Variants in MBD5 observed in about 807,000 individuals in gnomAD.
The protein encoded by MBD5 is methyl-CpG-binding domain protein 5.
In MBD5, 13 loss-of-function variants were observed where a neutral mutation model predicts 117.3. The ratio of observed to expected loss-of-function variants is 0.11; its 90% CI spans 0.07 to 0.18. The LOEUF (loss-of-function observed/expected upper bound fraction) is 0.18, where lower values mean the gene tolerates loss of function less well. Ranked by LOEUF, MBD5 falls within the 10% of genes least tolerant of loss-of-function variation. The pLI, the probability that MBD5 is intolerant of heterozygous loss-of-function variation, is 1.00. For synonymous variants in MBD5, 727 were observed against 766.4 expected (o/e 0.95, Z 0.85); for missense variants, 1,879 against 2,093.8 (o/e 0.90, Z 2.00).
chr2:148,076,396 C>A (rs950365540), intron 1 of MBD5, among the ~76,000 whole-genome samples: 1 of 152,178 alleles, frequency 6.6e-6, no homozygotes, highest in Non-Finnish European at 1.5e-5. Context: ...AGGTTTATTT[C>A]TTGCTCTCCT....
intron 1 of MBD5, among the ~76,000 whole-genome samples, chr2:148,136,126 C>G (rs529784322): frequency 6.6e-6 from 1 of 152,252 alleles, no homozygotes; most frequent in Non-Finnish European, 1.5e-5. Context: ...ATCAGGGACA[C>G]ATTCTCAGGT....
At chr2:148,318,566 T>C (rs1396558527) in intron 3 of MBD5, among the ~76,000 whole-genome samples, 1 of 152,206 alleles carries the variant, frequency 6.6e-6, no homozygotes, top group Non-Finnish European at 1.5e-5. Context: ...TTCCTCGGTT[T>C]TCTTCTAGGA....
At chr2:148,215,729 A>G (rs1451559030) in intron 2 of MBD5, among the ~76,000 whole-genome samples, 8 of 141,888 alleles carry the variant, frequency 5.6e-5, no homozygotes, top group Non-Finnish European at 1.1e-4. Flanking sequence ...AAGTTTTGCT[A>G]TATCGCTGAT....
intron 3 of MBD5, among the ~76,000 whole-genome samples, chr2:148,322,251 C>A (rs1217668033): frequency 6.6e-6 from 1 of 152,202 alleles, no homozygotes; most frequent in African/African-American, 2.4e-5. Context: ...TTGGCTTATA[C>A]AACTAAGCTT....
At chr2:148,192,861 C>T (rs1241288950) in intron 2 of MBD5, among the ~76,000 whole-genome samples, 1 of 54,872 alleles carries the variant, frequency 1.8e-5, no homozygotes, top group Non-Finnish European at 3.5e-5. Context: ...TAGAAAACCC[C>T]ATCGTCTCAG....
rs59209677 is a variant in MBD5, at chr2:148,412,272, T to TTGTGTGTGTGTGTGTGTG, written c.-556-45917_-556-45900dup. Among the ~76,000 whole-genome samples the TTGTGTGTGTGTGTGTGTG allele has an allele frequency of 3.6e-3, 522 of 144,562 alleles. 3 individuals are homozygous for TTGTGTGTGTGTGTGTGTG. The highest frequency in any genetic ancestry group is 0.012 in the African/African-American group (477 of 38,262). 94.8% of individuals were successfully genotyped at this position (144,562 alleles called of 152,430 possible). ...TTACTGTAGCCTTGTAGTATACTTT[T>TTGTGTGTGTGTGTGTGTG]TGTGTGTGTGTGTGTGTGTGTGTGT... On this transcript the variant is annotated intron_variant, in intron 4 of 13. Transcript: ENST00000642680.
chr2:148,082,457 T>C (rs1377198909), intron 1 of MBD5, among the ~76,000 whole-genome samples: 1 of 152,224 alleles, frequency 6.6e-6, no homozygotes, highest in African/African-American at 2.4e-5. Context: ...TCATCTTAGA[T>C]GGTCATATTT....
At chr2:148,470,599 T>A in intron 8 of MBD5, 138 bp downstream of exon 8, 1 of 708,630 alleles carries the variant, frequency 1.4e-6, no homozygotes, top group Non-Finnish European at 2.2e-6. Flanking sequence ...TTAGTATTTA[T>A]AATTTTATTT....
rs1682298903 is a variant in MBD5, at chr2:148,514,432, C to A, written c.*1491C>A. The A allele has an allele frequency of 6.6e-6, 1 of 152,206 alleles. No individual in the cohort carries two copies. The highest frequency in any genetic ancestry group is 6.5e-5 in the Admixed American group (1 of 15,282). The allele number at this position is 152,206 out of a possible 1,614,324, so 9.4% of individuals were successfully genotyped here. On this transcript the variant is annotated 3_prime_UTR_variant, in exon 14 of 14. Transcript: ENST00000642680. Reference sequence around the variant, plus strand: ...AGTTAAGCAAAGTTTAGGCTTCCAGCCTGACTTCAGTTGATGGATTGTCAA... The same window carrying A: ...AGTTAAGCAAAGTTTAGGCTTCCAGACTGACTTCAGTTGATGGATTGTCAA...
chr2:148,042,206 G>A (rs1054247070), intron 1 of MBD5, among the ~76,000 whole-genome samples: 8 of 152,102 alleles, frequency 5.3e-5, no homozygotes, highest in Non-Finnish European at 4.4e-5. Context: ...GAATCTATGT[G>A]GATATAAATA....
At chr2:148,505,342 A>G (rs1313050127) in intron 12 of MBD5, among the ~76,000 whole-genome samples, 1 of 152,180 alleles carries the variant, frequency 6.6e-6, no homozygotes, top group African/African-American at 2.4e-5. Flanking sequence ...ACAGTATACA[A>G]ATGACTGCAG....
At chr2:148,211,856 C>G (rs1417073397) in intron 2 of MBD5, among the ~76,000 whole-genome samples, 1 of 152,146 alleles carries the variant, frequency 6.6e-6, no homozygotes, top group Non-Finnish European at 1.5e-5. Context: ...AGCGATGCTC[C>G]CACCTCAGCC....
intron 3 of MBD5, among the ~76,000 whole-genome samples, chr2:148,236,933 C>T (rs1700104255): frequency 6.6e-6 from 1 of 152,184 alleles, no homozygotes; most frequent in African/African-American, 2.4e-5. Flanking sequence ...GCTGCAGCTT[C>T]TCCATCACTA....
At chr2:148,058,866 A>G (rs559379242) in intron 1 of MBD5, among the ~76,000 whole-genome samples, 2 of 152,310 alleles carry the variant, frequency 1.3e-5, no homozygotes, top group African/African-American at 2.4e-5. Context: ...TAAACATGGC[A>G]TTCCAGAAGA....
chr2:148,501,511 G>A (rs1489057782), intron 11 of MBD5, among the ~76,000 whole-genome samples: 3 of 152,206 alleles, frequency 2.0e-5, no homozygotes, highest in African/African-American at 7.2e-5. Context: ...TTGTGTGTGT[G>A]TGTGTTTACA....
chr2:148,172,675 G>T (rs534005792), intron 1 of MBD5, among the ~76,000 whole-genome samples: 2 of 152,122 alleles, frequency 1.3e-5, no homozygotes, highest in Non-Finnish European at 2.9e-5. Context: ...TCCAGGTGGA[G>T]TCTGCCAGTC....
At chr2:148,101,925 A>G (rs1156601965) in intron 1 of MBD5, among the ~76,000 whole-genome samples, 1 of 152,194 alleles carries the variant, frequency 6.6e-6, no homozygotes, top group Non-Finnish European at 1.5e-5. Flanking sequence ...ATACATACAC[A>G]CACATAGGCT....
intron 8 of MBD5, among the ~76,000 whole-genome samples, chr2:148,477,390 T>C (rs890525948): frequency 2.6e-5 from 4 of 152,132 alleles, no homozygotes; most frequent in Non-Finnish European, 4.4e-5. Flanking sequence ...CTCCCTTGAA[T>C]AGAACAAAGT....
intron 2 of MBD5, among the ~76,000 whole-genome samples, chr2:148,185,173 C>T (rs1698624345): frequency 6.6e-6 from 1 of 152,118 alleles, no homozygotes; most frequent in South Asian, 2.1e-4. Flanking sequence ...CTGTTTTATC[C>T]TCCCACATAT....
Sources: allele counts gnomAD v4.1 joint callset (sites outside exome capture counted in the v4.1 genomes callset), GRCh38; gene constraint gnomAD v4.1.1; transcripts MANE v1.5; gene names NCBI Gene and HGNC (gene_info 2026-07-23, HGNC 2026-07-21).